The following OR51C1 variants were observed in gnomAD, a reference collection of about 807,000 sequenced individuals.
OR51C1 encodes olfactory receptor family 51 subfamily C member 1, also known as olfactory receptor OR51C1.
chr11:4,697,853 G>C, the OR51C1 span: 1 of 152,246 alleles, frequency 6.6e-6, no homozygotes, highest in Non-Finnish European at 1.5e-5. Flanking sequence ...ATTCCCAGAA[G>C]ACTTCTTTTG....
At chr11:4,693,031 C>A in the OR51C1 span, among the ~76,000 whole-genome samples, 1 of 151,992 alleles carries the variant, frequency 6.6e-6, no homozygotes, top group Non-Finnish European at 1.5e-5. Flanking sequence ...AATGTATGAT[C>A]AAACCTCTTA....
the OR51C1 span, among the ~76,000 whole-genome samples, chr11:4,694,583 C>T: frequency 1.1e-4 from 16 of 151,410 alleles, no homozygotes; most frequent in Non-Finnish European, 1.3e-4. Flanking sequence ...TATACACACA[C>T]ACACACACAC....
chr11:4,696,564 T>G, the OR51C1 span, among the ~76,000 whole-genome samples: 895 of 152,272 alleles, frequency 5.9e-3, 10 homozygotes, highest in African/African-American at 0.02. Context: ...AAATCTTAAG[T>G]GTTTATATTC....
chr11:4,691,151 AG>A, the OR51C1 span: 2 of 456,558 alleles, frequency 4.4e-6, no homozygotes, highest in African/African-American at 4.0e-5. Context: ...TCATCACATC[AG>A]GGTGGTAGCA....
chr11:4,694,334 A>G, the OR51C1 span, among the ~76,000 whole-genome samples: 1 of 151,864 alleles, frequency 6.6e-6, no homozygotes, highest in Non-Finnish European at 1.5e-5. Flanking sequence ...TCACTTTACA[A>G]GCATATCTTC....
chr11:4,692,820 C>T, the OR51C1 span, among the ~76,000 whole-genome samples: 99,103 of 149,648 alleles, frequency 0.66, 35,566 homozygotes, highest in South Asian at 0.85. Context: ...TGATAAAGTG[C>T]CACCTCAAGG....
chr11:4,696,356 C>CAA, the OR51C1 span, among the ~76,000 whole-genome samples: 1 of 151,832 alleles, frequency 6.6e-6, no homozygotes, highest in South Asian at 2.1e-4. Flanking sequence ...CTACCCACCA[C>CAA]ACACACACAC....
At chr11:4,692,947 A>T in the OR51C1 span, among the ~76,000 whole-genome samples, 266 of 152,302 alleles carry the variant, frequency 1.7e-3, no homozygotes, top group Non-Finnish European at 2.1e-3. Context: ...TTGGCCAAAT[A>T]ATGAAACTAT....
the OR51C1 span, among the ~76,000 whole-genome samples, chr11:4,697,003 G>A: frequency 6.6e-6 from 1 of 152,166 alleles, no homozygotes; most frequent in Non-Finnish European, 1.5e-5. Context: ...CGTGTTCTGT[G>A]AACATTATTG....
the OR51C1 span, chr11:4,691,024 C>T: frequency 4.4e-6 from 2 of 456,340 alleles, no homozygotes; most frequent in South Asian, 1.6e-5. Context: ...ACGCTAAGGA[C>T]AGTCCTAATG....
the OR51C1 span, among the ~76,000 whole-genome samples, chr11:4,692,492 T>C: frequency 6.6e-6 from 1 of 152,250 alleles, no homozygotes; most frequent in Non-Finnish European, 1.5e-5. Context: ...ACATACTTCT[T>C]AGGAGATACC....
chr11:4,691,135 A>G, the OR51C1 span: 88 of 456,640 alleles, frequency 1.9e-4, no homozygotes, highest in Admixed American at 1.5e-3. Flanking sequence ...TCTGTGCATG[A>G]GAGCTTCATC....
chr11:4,694,875 C>G, the OR51C1 span, among the ~76,000 whole-genome samples: 1 of 151,988 alleles, frequency 6.6e-6, no homozygotes, highest in African/African-American at 2.4e-5. Flanking sequence ...AGAATGTTAA[C>G]AGAATGTATG....
the OR51C1 span, chr11:4,691,582 G>C: frequency 2.2e-6 from 1 of 456,700 alleles, no homozygotes; most frequent in Non-Finnish European, 4.4e-6. Context: ...TTTCCCAAGA[G>C]AGCAGTTACA....
chr11:4,693,721 C>CA, the OR51C1 span, among the ~76,000 whole-genome samples: 1 of 151,994 alleles, frequency 6.6e-6, no homozygotes, highest in African/African-American at 2.4e-5. Context: ...GACTCCGTTT[C>CA]AAAAAACAAA....
chr11:4,693,577 C>T, the OR51C1 span, among the ~76,000 whole-genome samples: 31 of 152,064 alleles, frequency 2.0e-4, no homozygotes, highest in Middle Eastern at 0.01. Flanking sequence ...AAAAATTAGC[C>T]GGGCGTGGTG....
the OR51C1 span, among the ~76,000 whole-genome samples, chr11:4,693,594 G>A: frequency 2.7e-4 from 41 of 152,100 alleles, no homozygotes; most frequent in Non-Finnish European, 4.7e-4. Context: ...GGTGGCGGGC[G>A]CCTGTAGTTC....
At chr11:4,694,842 T>C in the OR51C1 span, among the ~76,000 whole-genome samples, 2 of 152,052 alleles carry the variant, frequency 1.3e-5, no homozygotes, top group Admixed American at 6.6e-5. Flanking sequence ...TGTGTCTGTG[T>C]GTGTCAAGAA....
chr11:4,697,582 C>G, the OR51C1 span: 1 of 152,686 alleles, frequency 6.5e-6, no homozygotes, highest in Non-Finnish European at 1.5e-5. Context: ...GAGGAAATTA[C>G]TCCCTGTGGG....
Sources: allele counts gnomAD v4.1 joint callset (sites outside exome capture counted in the v4.1 genomes callset), GRCh38; gene constraint gnomAD v4.1.1; transcripts MANE v1.5; gene names NCBI Gene and HGNC (gene_info 2026-07-23, HGNC 2026-07-21).